Variants in TTC39C observed in about 807,000 individuals in gnomAD.
TTC39C encodes the protein tetratricopeptide repeat protein 39C.
In TTC39C, 33 loss-of-function variants were observed where a neutral mutation model predicts 76.3. The observed-to-expected ratio is 0.43, with a 90% CI of 0.33 to 0.58. The LOEUF (loss-of-function observed/expected upper bound fraction) is 0.58, where lower values mean the gene tolerates loss of function less well. Among genes scored for constraint, TTC39C ranks in the 20% least tolerant of loss-of-function variants. TTC39C has a pLI of 0.04. For missense variants in TTC39C, 595 were observed against 701.4 expected, an observed-to-expected ratio of 0.85 and a Z score of 1.71; for synonymous variants, 254 against 260.6, an observed-to-expected ratio of 0.97 and a Z score of 0.24.
chr18:24,132,176 T>G (rs1568449568), intron 13 of TTC39C, among the ~76,000 whole-genome samples: 2 of 152,220 alleles, frequency 1.3e-5, no homozygotes, highest in South Asian at 4.1e-4. Context: ...ACTTTTGATT[T>G]TATAACTATG....
upstream of TTC39C, chr18:24,013,098 G>A (rs2083406300): frequency 6.6e-6 from 1 of 152,162 alleles, no homozygotes; most frequent in African/African-American, 2.4e-5. Flanking sequence ...CACTGCTGAT[G>A]TTTGAGACTA....
At chr18:24,080,983 G>A (rs2084369072) in intron 5 of TTC39C, 44 bp downstream of exon 5, 1 of 1,506,992 alleles carries the variant, frequency 6.6e-7, no homozygotes, top group African/African-American at 1.4e-5. Flanking sequence ...ATATAGTGTT[G>A]AAAGTAAGTA....
intron 4 of TTC39C, among the ~76,000 whole-genome samples, chr18:24,078,293 T>C (rs556799849): frequency 5.3e-5 from 8 of 152,306 alleles, no homozygotes; most frequent in African/African-American, 1.9e-4. Context: ...TTGATGCATT[T>C]AAGTAAAATA....
At chr18:24,012,329 G>A (rs1291353886), upstream of TTC39C, among the ~76,000 whole-genome samples, 1 of 152,076 alleles carries the variant, frequency 6.6e-6, no homozygotes, top group Non-Finnish European at 1.5e-5. Flanking sequence ...CCCCTCCCCT[G>A]CCTATTGTGG....
At chr18:24,044,003 A>C (rs1420400879) in intron 1 of TTC39C, among the ~76,000 whole-genome samples, 1 of 152,046 alleles carries the variant, frequency 6.6e-6, no homozygotes, top group Non-Finnish European at 1.5e-5. Context: ...TATGGGAATT[A>C]AACTTCTCTT....
chr18:24,072,155 AC>A (rs1198234805), intron 4 of TTC39C, among the ~76,000 whole-genome samples: 1 of 151,926 alleles, frequency 6.6e-6, no homozygotes, highest in East Asian at 1.9e-4. Context: ...AAAAAAAAAA[AC>A]AAAGCTCCTT....
intron 1 of TTC39C, among the ~76,000 whole-genome samples, chr18:23,999,141 A>G (rs190161539): frequency 1.3e-5 from 2 of 152,216 alleles, no homozygotes; most frequent in African/African-American, 4.8e-5. Context: ...CGCTGTGGAC[A>G]TATGGGTGTG....
chr18:24,099,000 G>C (rs886162736), intron 6 of TTC39C, among the ~76,000 whole-genome samples: 2 of 95,320 alleles, frequency 2.1e-5, no homozygotes, highest in Admixed American at 1.1e-4. Flanking sequence ...TAATAAGTTA[G>C]AGGAATGTGT....
At chr18:24,020,787 C>T (rs73402233) in intron 1 of TTC39C, among the ~76,000 whole-genome samples, 3,680 of 152,110 alleles carry the variant, frequency 0.024, 152 homozygotes, top group African/African-American at 0.081. Flanking sequence ...GTGGAATTCG[C>T]GGATACTGAG....
intron 6 of TTC39C, among the ~76,000 whole-genome samples, chr18:24,105,521 T>C (rs1395194611): frequency 6.6e-6 from 1 of 152,178 alleles, no homozygotes; most frequent in Non-Finnish European, 1.5e-5. Context: ...CACATACACA[T>C]ACATGCACAC....
chr18:24,045,892 A>AAAAAAAAAAAAAAAAATATAT (rs1435790388), intron 1 of TTC39C, among the ~76,000 whole-genome samples: 1 of 61,230 alleles, frequency 1.6e-5, no homozygotes, highest in African/African-American at 8.9e-5. Flanking sequence ...CTTCTGTGAA[A>AAAAAAAAAAAAAAAAATATAT]ATATATATAT....
chr18:24,063,456 A>C (rs1021925161), intron 1 of TTC39C, among the ~76,000 whole-genome samples: 3 of 152,162 alleles, frequency 2.0e-5, no homozygotes, highest in African/African-American at 7.2e-5. Context: ...TTATTTTAAA[A>C]ATGAATAATA....
chr18:24,093,246 G>A (rs534350502), intron 6 of TTC39C, among the ~76,000 whole-genome samples: 8 of 152,236 alleles, frequency 5.3e-5, no homozygotes, highest in East Asian at 3.9e-4. Flanking sequence ...TTGGGAGGCC[G>A]AGGCGGGCAG....
intron 1 of TTC39C, among the ~76,000 whole-genome samples, chr18:24,006,839 C>G (rs2083357121): frequency 6.6e-6 from 1 of 152,182 alleles, no homozygotes; most frequent in Non-Finnish European, 1.5e-5. Context: ...CCATATTGTG[C>G]TATGAATGTG....
intron 6 of TTC39C, among the ~76,000 whole-genome samples, chr18:24,103,717 C>T (rs1309367323): frequency 2.0e-5 from 3 of 151,158 alleles, no homozygotes; most frequent in African/African-American, 7.3e-5. Context: ...CCCACCCCTC[C>T]TCCTGCCCCA....
intron 1 of TTC39C, among the ~76,000 whole-genome samples, chr18:23,998,924 T>C (rs2145623945): frequency 6.6e-6 from 1 of 152,104 alleles, no homozygotes; most frequent in East Asian, 2.0e-4. Context: ...ACCCTTTAAA[T>C]ATACACATGT....
At chr18:23,995,040 T>A (rs2083250197) in intron 1 of TTC39C, among the ~76,000 whole-genome samples, 1 of 152,182 alleles carries the variant, frequency 6.6e-6, no homozygotes, top group South Asian at 2.1e-4. Context: ...TAATCAGCAT[T>A]GCAATTATGA....
intron 1 of TTC39C, among the ~76,000 whole-genome samples, chr18:24,030,107 A>C (rs1206893295): frequency 6.6e-6 from 1 of 152,158 alleles, no homozygotes; most frequent in Non-Finnish European, 1.5e-5. Context: ...TATCTTGATT[A>C]ATTTTGTTAC....
At chr18:24,004,527 G>A (rs1340116731) in intron 1 of TTC39C, among the ~76,000 whole-genome samples, 1 of 152,150 alleles carries the variant, frequency 6.6e-6, no homozygotes, top group Non-Finnish European at 1.5e-5. Flanking sequence ...TCCATCCTTA[G>A]TGTGGGCGTG....
Sources: gnomAD v4.1 joint callset for allele counts (sites outside exome capture counted in the v4.1 genomes callset) on GRCh38, gnomAD v4.1.1 for gene constraint, MANE v1.5 for transcripts, NCBI Gene and HGNC (gene_info 2026-07-23, HGNC 2026-07-21) for gene names.